Variants in SEPTIN6 observed in about 807,000 individuals in gnomAD.
The protein encoded by SEPTIN6 is septin 6.
A neutral mutation model predicts 33.6 loss-of-function variants in SEPTIN6; 8 were observed. The ratio of observed to expected loss-of-function variants is 0.24; its 90% confidence interval spans 0.14 to 0.43. SEPTIN6 has a LOEUF of 0.43. Ranked by LOEUF, SEPTIN6 falls within the 20% of genes least tolerant of loss-of-function variation. The probability of loss-of-function intolerance (pLI) is 1.00; values close to 1 mark genes in which losing one functional copy is unlikely to be tolerated. For synonymous variants in SEPTIN6, 131 were observed against 140.0 expected (o/e 0.94, Z 0.45); for missense variants, 250 against 340.8 (o/e 0.73, Z 2.10).
At chrX:119,660,219 G>A (rs188046782) in intron 3 of SEPTIN6, among the ~76,000 whole-genome samples, 455 of 112,344 alleles carry the variant, frequency 4.1e-3, no homozygotes, top group African/African-American at 0.013. Context: ...TCCGGCCTTA[G>A]TCATTCCTCT....
At chrX:119,646,492 A>G (rs966794414) in intron 5 of SEPTIN6, among the ~76,000 whole-genome samples, 1 of 112,086 alleles carries the variant, frequency 8.9e-6, no homozygotes, top group Non-Finnish European at 1.9e-5. Flanking sequence ...AATTCTTAGT[A>G]TTAAAGTCTA....
At chrX:119,687,290 G>A (rs1373157526) in intron 1 of SEPTIN6, among the ~76,000 whole-genome samples, 3 of 95,634 alleles carry the variant, frequency 3.1e-5, no homozygotes, top group Non-Finnish European at 6.0e-5. Flanking sequence ...TCACTCTGTC[G>A]CCCAGGATGG....
chrX:119,650,602 T>C (rs1228883480), intron 4 of SEPTIN6, among the ~76,000 whole-genome samples: 1 of 110,607 alleles, frequency 9.0e-6, no homozygotes, highest in Non-Finnish European at 1.9e-5. Context: ...AGGGGAGAGG[T>C]GGCCTCTTCT....
In SEPTIN6 at chrX:119,641,153, C is replaced by T. The variant is rs182606330; in HGVS notation, c.691-365G>A. On this transcript the variant is annotated intron_variant, in intron 5 of 10. Coordinates refer to ENST00000394610, the MANE Select transcript of SEPTIN6 (RefSeq NM_145799.4). ...AAGGGGAAGTGGAATGAGGGGGGTT[C>T]TGTGTGGATAGAGAGGATAAAGGAG... Among the ~76,000 whole-genome samples, 791 of 111,678 alleles carry T rather than the reference C, an allele frequency of 7.1e-3. 2 individuals carry two copies. Among genetic ancestry groups the T allele is most frequent in the Non-Finnish European group, 0.012 (655 of 53,075 alleles).
chrX:119,668,018 C>A (rs1045888648), intron 2 of SEPTIN6, among the ~76,000 whole-genome samples: 2 of 111,501 alleles, frequency 1.8e-5, no homozygotes, highest in Non-Finnish European at 3.8e-5. Context: ...TATGCTCTTG[C>A]GGGACGGTGG....
chrX:119,638,805 C>T (rs1290281595), intron 6 of SEPTIN6, among the ~76,000 whole-genome samples: 1 of 112,317 alleles, frequency 8.9e-6, no homozygotes, highest in Non-Finnish European at 1.9e-5. Flanking sequence ...GAAGGAGTGC[C>T]TCCGAGGGCC....
rs1457266863 is a variant in SEPTIN6, at chrX:119,686,670, T to C, written c.30+6406A>G. 3 of 872,641 alleles carry C rather than the reference T, an allele frequency of 3.4e-6. No homozygotes were observed. The East Asian group carries it at 2.3e-4, about 68-fold the overall frequency. The allele number at this position is 872,641 out of a possible 1,213,427, so 71.9% of individuals were successfully genotyped here. The stretch of plus-strand genomic sequence containing the variant: ...CCAAACTGAGGAGGAAGGGTCTGTG[T>C]TTCTAATTTATTCTGCGCCCCCCAC... On this transcript the variant is annotated intron_variant, in intron 1 of 10. Coordinates refer to ENST00000394610, the MANE Select transcript of SEPTIN6 (RefSeq NM_145799.4).
At chrX:119,666,643 T>C (rs1219194186) in intron 2 of SEPTIN6, among the ~76,000 whole-genome samples, 1 of 111,498 alleles carries the variant, frequency 9.0e-6, no homozygotes, top group African/African-American at 3.3e-5. Flanking sequence ...TCTGACTAAC[T>C]TGGTAAATTG....
At chrX:119,640,168 CTTTTTTTTTT>C (rs57021804) in intron 6 of SEPTIN6, among the ~76,000 whole-genome samples, 94 of 20,169 alleles carry the variant, frequency 4.7e-3, no homozygotes, top group Admixed American at 0.044. Flanking sequence ...ACTATCCAGT[CTTTTTTTTTT>C]TTTTTTTTTT....
rs1270415568 is a variant in SEPTIN6 at position 119,626,391 on chromosome X, G to A, written c.1281-1012C>T. Among the ~76,000 whole-genome samples the A allele has an allele frequency of 4.5e-5, 5 of 111,877 alleles. No homozygotes were observed. In the Admixed American group the frequency reaches 4.8e-4, roughly 11 times the overall value. ...ACCAATTCCTAACTCCCACAAGCAG[G>A]CTATGAAACTGCCCCAGGTACTGAG... On this transcript the variant is annotated intron_variant, in intron 9 of 10. Coordinates refer to ENST00000394610, the MANE Select transcript of SEPTIN6 (RefSeq NM_145799.4).
intron 10 of SEPTIN6, among the ~76,000 whole-genome samples, chrX:119,621,674 T>A (rs758004525): frequency 9.2e-6 from 1 of 108,611 alleles, no homozygotes; most frequent in East Asian, 2.9e-4. Flanking sequence ...GTATTTTTAG[T>A]AGAGACAGGG....
chrX:119,622,281 G>T (rs889981920), intron 10 of SEPTIN6, among the ~76,000 whole-genome samples: 1 of 111,489 alleles, frequency 9.0e-6, no homozygotes, highest in African/African-American at 3.3e-5. Flanking sequence ...GATGTAGGGG[G>T]TCACAAAGGA....
At chrX:119,621,446 G>GGT (rs34517524) in intron 10 of SEPTIN6, among the ~76,000 whole-genome samples, 2,663 of 63,438 alleles carry the variant, frequency 0.042, 125 homozygotes, top group African/African-American at 0.085. Context: ...GCCCAGAGCT[G>GGT]GTGTGTGTGT....
At chrX:119,684,489 T>G (rs913049366) in intron 1 of SEPTIN6, among the ~76,000 whole-genome samples, 1 of 98,825 alleles carries the variant, frequency 1.0e-5, no homozygotes, top group Non-Finnish European at 2.1e-5. Flanking sequence ...GAGGTTTTTT[T>G]TTTTTTTTTT....
At chrX:119,626,152 A>C (rs575717790) in intron 9 of SEPTIN6, among the ~76,000 whole-genome samples, 1 of 112,203 alleles carries the variant, frequency 8.9e-6, no homozygotes, top group South Asian at 3.7e-4. Context: ...ACATGCCAGC[A>C]GGGTTTTCAC....
At chrX:119,688,034 C>G (rs1181785973) in intron 1 of SEPTIN6, among the ~76,000 whole-genome samples, 1 of 112,576 alleles carries the variant, frequency 8.9e-6, no homozygotes, top group Non-Finnish European at 1.9e-5. Flanking sequence ...TTGGCCACCA[C>G]TATATCCTCA....
chrX:119,625,516 T>A, intron 9 of SEPTIN6, 137 bp from the exon 10 acceptor site: 1 of 522,459 alleles, frequency 1.9e-6, no homozygotes, highest in Non-Finnish European at 3.3e-6. Flanking sequence ...AAGGGTGGAC[T>A]GGTAGGAACC....
At chrX:119,652,068 T>C (rs1465346401) in intron 4 of SEPTIN6, among the ~76,000 whole-genome samples, 1 of 111,857 alleles carries the variant, frequency 8.9e-6, no homozygotes, top group Non-Finnish European at 1.9e-5. Context: ...GGATTATAAA[T>C]GCGCACCACC....
intron 7 of SEPTIN6, among the ~76,000 whole-genome samples, chrX:119,634,668 G>A (rs1271630858): frequency 9.0e-6 from 1 of 111,436 alleles, no homozygotes; most frequent in Non-Finnish European, 1.9e-5. Context: ...GGACCATTCC[G>A]GCTGTGCTGT....
Sources: allele counts gnomAD v4.1 joint callset (sites outside exome capture counted in the v4.1 genomes callset), GRCh38; gene constraint gnomAD v4.1.1; transcripts MANE v1.5; gene names NCBI Gene and HGNC (gene_info 2026-07-23, HGNC 2026-07-21).